NSUN4: variants seen among roughly 807,000 people sequenced by gnomAD.
NSUN4 encodes 5-cytosine rRNA methyltransferase NSUN4.
Under a neutral mutation model 43.8 loss-of-function variants are expected in NSUN4, and 31 were observed. That is an observed-to-expected ratio of 0.71 (90% CI 0.53 to 0.96). NSUN4 has a LOEUF of 0.96. Among genes scored for constraint, NSUN4 ranks in the 40% least tolerant of loss-of-function variants. The probability of loss-of-function intolerance (pLI) is 0.00; values close to 1 mark genes in which losing one functional copy is unlikely to be tolerated. For missense variants in NSUN4, 439 were observed against 475.6 expected (o/e 0.92, Z 0.72); for synonymous variants, 167 against 184.1 (o/e 0.91, Z 0.75).
chr1:46,369,849 G>A (rs1664209079), downstream of NSUN4, among the ~76,000 whole-genome samples: 1 of 152,218 alleles, frequency 6.6e-6, no homozygotes, highest in South Asian at 2.1e-4. Context: ...GTAACTGGAA[G>A]CCATTGTCGG....
the NSUN4 span, among the ~76,000 whole-genome samples, chr1:46,373,316 G>A: frequency 2.0e-5 from 3 of 152,146 alleles, no homozygotes; most frequent in East Asian, 1.9e-4. Flanking sequence ...AGCTGCTTCC[G>A]CATTTTCAGG....
chr1:46,341,198 T>G, intron 1 of NSUN4: 4 of 1,185,944 alleles, frequency 3.4e-6, no homozygotes, highest in Non-Finnish European at 4.2e-6. Flanking sequence ...CTGTCTCTTG[T>G]TCCCCAGCTG....
At chr1:46,350,430 T>C (rs1372745767) in intron 3 of NSUN4, among the ~76,000 whole-genome samples, 1 of 152,226 alleles carries the variant, frequency 6.6e-6, no homozygotes, top group Non-Finnish European at 1.5e-5. Context: ...TAGTGACCAC[T>C]ATTAGATAAG....
the NSUN4 span, among the ~76,000 whole-genome samples, chr1:46,377,566 T>C: frequency 3.3e-5 from 5 of 152,244 alleles, no homozygotes; most frequent in African/African-American, 1.2e-4. Flanking sequence ...GAAGAGCTTA[T>C]GGCAGACAAG....
In NSUN4 at chr1:46,344,867, G is replaced by A. The variant is rs746113821; in HGVS notation, c.160G>A (p.Val54Met). The change falls in exon 2 of 6, where the codon GTG becomes ATG. Residue 54 changes from valine (V) to methionine (M), a missense_variant. Coordinates refer to ENST00000474844, the MANE Select transcript of NSUN4 (RefSeq NM_199044.4). ...ALQNFDMTYS[V>M]QFGDLWPSIR... Reference sequence around the variant, plus strand: ...GCAGAATTTTGACATGACTTACAGTGTGCAGTTTGGAGATCTTTGGCCATC... The same window carrying A: ...GCAGAATTTTGACATGACTTACAGTATGCAGTTTGGAGATCTTTGGCCATC... 6.2e-7 allele frequency: 1 copy of A among 1,614,242 alleles called. No homozygotes were observed. The highest frequency in any genetic ancestry group is 1.1e-5 in the South Asian group (1 of 91,090).
At chr1:46,347,804 T>TGCCAGGG (rs1325094585) in intron 3 of NSUN4, among the ~76,000 whole-genome samples, 2 of 152,132 alleles carry the variant, frequency 1.3e-5, no homozygotes, top group East Asian at 3.8e-4. Flanking sequence ...TTGCTCTTGT[T>TGCCAGGG]AAATTTTCTC....
Position 46,363,319 on chromosome 1 carries a change from A to T in NSUN4, c.*1473A>T, listed in dbSNP as rs952732236. The T allele has an allele frequency of 1.3e-5, 2 of 152,240 alleles. No homozygotes were observed. The highest frequency in any genetic ancestry group is 4.8e-5 in the African/African-American group (2 of 41,446). The allele number at this position is 152,240 out of a possible 1,614,324, so 9.4% of individuals were successfully genotyped here. A position where few individuals can be genotyped will look rare whatever the true frequency, so the allele number is the denominator to read the frequency against. ...GACCGTAACCGCCTCCGTGCGTGGCATATGGTCCCTGCATGCTGTTCACTC... is the reference window on the plus strand; with the variant it reads ...GACCGTAACCGCCTCCGTGCGTGGCTTATGGTCCCTGCATGCTGTTCACTC... On this transcript the variant is annotated 3_prime_UTR_variant, in exon 6 of 6. Coordinates refer to ENST00000474844, the MANE Select transcript of NSUN4 (RefSeq NM_199044.4).
At chr1:46,344,431 G>A (rs1021537650) in intron 1 of NSUN4, 7 of 224,318 alleles carry the variant, frequency 3.1e-5, no homozygotes, top group Admixed American at 2.1e-4. Flanking sequence ...CAGAAGAAAA[G>A]GGCCTTTTGC....
rs1662389610 is a variant in NSUN4, at chr1:46,345,059, C to A, written c.352C>A (p.Pro118Thr). Reference sequence around the variant, plus strand: ...GTCTGAGGGTGGCCAATCTGCAGCCCCATCCCCTGCCTCCTGGGCCTGCAG... The same window carrying A: ...GTCTGAGGGTGGCCAATCTGCAGCCACATCCCCTGCCTCCTGGGCCTGCAG... The part of the protein sequence containing the change: ...LQSEGGQSAA[P>T]SPASWACSPN... Residue 118 changes from proline to threonine, a missense_variant, in exon 2 of 6, where the codon CCA becomes ACA. Transcript: ENST00000474844. 1 of 1,614,170 alleles carries A rather than the reference C, an allele frequency of 6.2e-7. No homozygotes were observed. The highest frequency in any genetic ancestry group is 8.5e-7 in the Non-Finnish European group (1 of 1,180,040).
At chr1:46,349,355 T>C (rs1262376506) in intron 3 of NSUN4, among the ~76,000 whole-genome samples, 2 of 151,960 alleles carry the variant, frequency 1.3e-5, no homozygotes, top group African/African-American at 2.4e-5. Context: ...TTAGCCAGGA[T>C]GGTCTTGATC....
At chr1:46,348,575 C>T (rs1055499893) in intron 3 of NSUN4, among the ~76,000 whole-genome samples, 33 of 151,832 alleles carry the variant, frequency 2.2e-4, no homozygotes, top group Admixed American at 2.1e-3. Context: ...TTAGCCGGGC[C>T]TGGTGGTGGG....
chr1:46,369,961 C>T (rs547322669), downstream of NSUN4, among the ~76,000 whole-genome samples: 89 of 152,198 alleles, frequency 5.8e-4, no homozygotes, highest in Non-Finnish European at 1.0e-3. Context: ...ACTGGCTCTA[C>T]AGAAATTGCT....
downstream of NSUN4, among the ~76,000 whole-genome samples, chr1:46,366,565 G>T (rs1457914502): frequency 6.6e-6 from 1 of 151,748 alleles, no homozygotes; most frequent in Non-Finnish European, 1.5e-5. Flanking sequence ...AAGAGAAGGG[G>T]GTTGGCTGGG....
At chr1:46,382,495 A>T in the NSUN4 span, among the ~76,000 whole-genome samples, 1 of 152,182 alleles carries the variant, frequency 6.6e-6, no homozygotes. Flanking sequence ...CACAAAAGTT[A>T]CTTTTATTTT....
chr1:46,348,808 GTTTTTTTT>G (rs869234807), intron 3 of NSUN4, among the ~76,000 whole-genome samples: 3 of 77,842 alleles, frequency 3.9e-5, no homozygotes, highest in South Asian at 4.6e-4. Flanking sequence ...CTTGTGCACT[GTTTTTTTT>G]TTTTTTTTTT....
At chr1:46,342,403 C>G (rs760945689) in intron 1 of NSUN4, 4 of 399,106 alleles carry the variant, frequency 1.0e-5, no homozygotes, top group African/African-American at 2.1e-5. Context: ...TATCATTACT[C>G]CCATCTTTCC....
downstream of NSUN4, among the ~76,000 whole-genome samples, chr1:46,367,243 C>T (rs111909938): frequency 8.9e-3 from 1,355 of 152,236 alleles, 28 homozygotes; most frequent in African/African-American, 0.031. Flanking sequence ...AAACTTAACA[C>T]CACCCTTTAC....
intron 3 of NSUN4, among the ~76,000 whole-genome samples, chr1:46,348,432 G>A (rs1246523873): frequency 4.6e-5 from 7 of 152,094 alleles, no homozygotes; most frequent in Admixed American, 3.3e-4. Context: ...ATGGATTCTG[G>A]CCGGGCACGG....
rs1662380689 is a variant in NSUN4, at chr1:46,344,965, A to G, written c.258A>G (p.Val86=). Residue 86 remains valine (V), a synonymous_variant, in exon 2 of 6, where the codon GTA becomes GTG. Coordinates refer to ENST00000474844, the MANE Select transcript of NSUN4 (RefSeq NM_199044.4). The part of the protein sequence containing the change: ...LVNNFAAWDH[V]SAKLEQLSAK... ...ATAACTTTGCTGCCTGGGATCATGT[A>G]AGTGCTAAGCTGGAGCAGCTGAGTG... The G allele has an allele frequency of 6.2e-7, 1 of 1,614,192 alleles. No individual in the cohort carries two copies. The highest frequency in any genetic ancestry group is 1.3e-5 in the African/African-American group (1 of 75,048).
Sources: allele counts gnomAD v4.1 joint callset (sites outside exome capture counted in the v4.1 genomes callset), GRCh38; gene constraint gnomAD v4.1.1; transcripts MANE v1.5; gene names NCBI Gene and HGNC (gene_info 2026-07-23, HGNC 2026-07-21).